DLGAP1: variants seen among roughly 807,000 people sequenced by gnomAD.
DLGAP1 encodes the protein DLG associated protein 1.
Under a neutral mutation model 90.8 loss-of-function variants are expected in DLGAP1, and 11 were observed. The observed-to-expected ratio is 0.12, with a 90% CI of 0.08 to 0.20. DLGAP1 has a LOEUF of 0.20. DLGAP1 is among the 10% of genes least tolerant of loss of function. The pLI is 1.00. For synonymous variants in DLGAP1, 558 were observed against 540.7 expected (o/e 1.03, Z -0.44); for missense variants, 1,050 against 1,333.8 (o/e 0.79, Z 3.31).
At chr18:4,364,312 C>T (rs1156597992) in intron 1 of DLGAP1, among the ~76,000 whole-genome samples, 14 of 143,702 alleles carry the variant, frequency 9.7e-5, no homozygotes, top group South Asian at 4.5e-4. Flanking sequence ...TGCTAAATGA[C>T]GAGTTAATGG....
intron 1 of DLGAP1, among the ~76,000 whole-genome samples, chr18:4,429,941 G>T (rs954830998): frequency 1.3e-5 from 2 of 152,054 alleles, no homozygotes. Flanking sequence ...AAAAAAGCAA[G>T]TGGCAGAAGA....
intron 7 of DLGAP1, among the ~76,000 whole-genome samples, chr18:3,641,604 C>G (rs919290836): frequency 1.3e-5 from 2 of 150,422 alleles, no homozygotes; most frequent in Non-Finnish European, 3.0e-5. Flanking sequence ...CACACACACA[C>G]ACACACACAG....
intron 3 of DLGAP1, among the ~76,000 whole-genome samples, chr18:3,984,570 G>A (rs564472922): frequency 1.3e-5 from 2 of 152,184 alleles, no homozygotes; most frequent in African/African-American, 2.4e-5. Flanking sequence ...CCAGGCTGGC[G>A]ACTCTAAAGC....
At chr18:3,961,518 T>C (rs1473240549) in intron 3 of DLGAP1, among the ~76,000 whole-genome samples, 2 of 149,278 alleles carry the variant, frequency 1.3e-5, no homozygotes, top group African/African-American at 4.9e-5. Context: ...CCCACCCATT[T>C]CTCTTCCCAC....
chr18:4,057,678 T>TC (rs1491254750), intron 2 of DLGAP1, among the ~76,000 whole-genome samples: 3 of 152,240 alleles, frequency 2.0e-5, no homozygotes, highest in African/African-American at 7.2e-5. Context: ...GGTCTCTCTC[T>TC]TTCTCTCTCT....
At chr18:3,807,586 C>T (rs1385726002) in intron 5 of DLGAP1, among the ~76,000 whole-genome samples, 2 of 152,112 alleles carry the variant, frequency 1.3e-5, no homozygotes, top group Admixed American at 6.6e-5. Context: ...ATCCCTCCTA[C>T]TTAAAAAAAA....
chr18:4,422,102 C>T (rs879777738), intron 1 of DLGAP1, among the ~76,000 whole-genome samples: 7 of 151,794 alleles, frequency 4.6e-5, no homozygotes, highest in East Asian at 1.9e-4. Flanking sequence ...GTGTGTTCAC[C>T]GCAGTCTTTT....
At chr18:4,235,532 C>T (rs1328702741) in intron 1 of DLGAP1, among the ~76,000 whole-genome samples, 9 of 151,874 alleles carry the variant, frequency 5.9e-5, no homozygotes, top group African/African-American at 2.2e-4. Flanking sequence ...ATTCCTAGCA[C>T]CATTTGGAAT....
chr18:3,532,316 A>AT (rs1386073913), intron 10 of DLGAP1, among the ~76,000 whole-genome samples: 1 of 151,764 alleles, frequency 6.6e-6, no homozygotes, highest in Non-Finnish European at 1.5e-5. Context: ...ACAGTGGCTT[A>AT]TGCCTGTAAT....
At chr18:3,693,371 C>T (rs1456985309) in intron 7 of DLGAP1, among the ~76,000 whole-genome samples, 1 of 152,182 alleles carries the variant, frequency 6.6e-6, no homozygotes, top group East Asian at 1.9e-4. Flanking sequence ...GCTGGGATTA[C>T]AGGCATCAGC....
At chr18:3,776,748 A>G (rs908582739) in intron 5 of DLGAP1, among the ~76,000 whole-genome samples, 1 of 152,218 alleles carries the variant, frequency 6.6e-6, no homozygotes, top group African/African-American at 2.4e-5. Flanking sequence ...CAAAAACAAA[A>G]CAAAAACAAT....
chr18:4,273,925 A>G, intron 1 of DLGAP1, among the ~76,000 whole-genome samples: 1 of 152,148 alleles, frequency 6.6e-6, no homozygotes, highest in Non-Finnish European at 1.5e-5. Flanking sequence ...CAGTCTAGCT[A>G]AAGGCTTGTC....
intron 7 of DLGAP1, among the ~76,000 whole-genome samples, chr18:3,702,109 T>C (rs1409103749): frequency 1.3e-5 from 2 of 152,192 alleles, no homozygotes; most frequent in Non-Finnish European, 2.9e-5. Context: ...TGGAGGGCAA[T>C]GGCACAATCT....
chr18:4,187,178 T>G (rs1010834537), intron 1 of DLGAP1, among the ~76,000 whole-genome samples: 1 of 152,182 alleles, frequency 6.6e-6, no homozygotes, highest in Non-Finnish European at 1.5e-5. Flanking sequence ...TTTCTACATA[T>G]AGAACCATTT....
intron 3 of DLGAP1, among the ~76,000 whole-genome samples, chr18:3,958,364 G>T (rs1418347269): frequency 6.7e-6 from 1 of 149,898 alleles, no homozygotes; most frequent in Non-Finnish European, 1.5e-5. Flanking sequence ...ATGTATGCAT[G>T]ATAAGGAGGT....
intron 7 of DLGAP1, chr18:3,593,832 A>G (rs193146630): frequency 8.5e-5 from 13 of 152,272 alleles, no homozygotes; most frequent in African/African-American, 3.1e-4. Flanking sequence ...TGTTCTCAGC[A>G]AGGAGGAAGA....
intron 3 of DLGAP1, among the ~76,000 whole-genome samples, chr18:3,929,917 T>C (rs963559591): frequency 1.3e-5 from 2 of 152,220 alleles, no homozygotes; most frequent in Admixed American, 1.3e-4. Context: ...CCAAAGTCTA[T>C]ACAAACATTT....
intron 4 of DLGAP1, among the ~76,000 whole-genome samples, chr18:3,851,864 G>A (rs1172417288): frequency 6.6e-6 from 1 of 152,080 alleles, no homozygotes; most frequent in Non-Finnish European, 1.5e-5. Context: ...AAGAACTCAG[G>A]GAAGAAATGA....
At chr18:3,907,575 G>C (rs1340666760) in intron 3 of DLGAP1, among the ~76,000 whole-genome samples, 1 of 152,212 alleles carries the variant, frequency 6.6e-6, no homozygotes, top group Non-Finnish European at 1.5e-5. Context: ...AGTGACCTCA[G>C]AGAGCCCCTC....
Sources: allele counts gnomAD v4.1 joint callset (sites outside exome capture counted in the v4.1 genomes callset), GRCh38; gene constraint gnomAD v4.1.1; transcripts MANE v1.5; gene names NCBI Gene and HGNC (gene_info 2026-07-23, HGNC 2026-07-21).